Variants in XRCC6 observed in about 807,000 individuals in gnomAD.
XRCC6 encodes the protein DNA repair protein Ku70.
XRCC6 carries 5 observed loss-of-function variants against 65.7 expected under a neutral mutation model. The observed-to-expected ratio is 0.08, with a 90% CI of 0.04 to 0.16. XRCC6 has a LOEUF of 0.16. Ranked by LOEUF, XRCC6 falls within the 10% of genes least tolerant of loss-of-function variation. The probability of loss-of-function intolerance (pLI) is 1.00; values close to 1 mark genes in which losing one functional copy is unlikely to be tolerated. For missense variants in XRCC6, 447 were observed against 738.1 expected (o/e 0.61, Z 4.57); for synonymous variants, 270 against 270.6 (o/e 1.00, Z 0.02).
intron 2 of XRCC6, among the ~76,000 whole-genome samples, chr22:41,627,855 T>C (rs1014522513): frequency 6.6e-6 from 1 of 151,830 alleles, no homozygotes; most frequent in African/African-American, 2.4e-5. Flanking sequence ...GCCTGGGTGA[T>C]GGGAGTGTGA....
chr22:41,649,811 G>A (rs879644389), intron 7 of XRCC6, among the ~76,000 whole-genome samples: 13 of 150,618 alleles, frequency 8.6e-5, no homozygotes, highest in Admixed American at 7.3e-4. Flanking sequence ...AGCCGAGATC[G>A]CTGCCTGGGT....
chr22:41,640,017 C>A (rs2067858327), intron 6 of XRCC6, among the ~76,000 whole-genome samples: 1 of 151,840 alleles, frequency 6.6e-6, no homozygotes, highest in South Asian at 2.1e-4. Context: ...CTCATTGTTT[C>A]TTCCTAAAGA....
At chr22:41,621,762 C>A (rs941890968) in intron 1 of XRCC6, 1 of 498,470 alleles carries the variant, frequency 2.0e-6, no homozygotes, top group Non-Finnish European at 3.6e-6. Context: ...TTCCGCGGGC[C>A]GCCGCCGGCC....
At chr22:41,663,096 G>T (rs1166792456) in intron 12 of XRCC6, among the ~76,000 whole-genome samples, 1 of 152,126 alleles carries the variant, frequency 6.6e-6, no homozygotes. Flanking sequence ...TGATACAGAA[G>T]TTATATCCTT....
At chr22:41,631,910 G>T (rs1247781062) in intron 3 of XRCC6, among the ~76,000 whole-genome samples, 6 of 152,202 alleles carry the variant, frequency 3.9e-5, no homozygotes, top group Non-Finnish European at 7.3e-5. Flanking sequence ...CGGATCACTC[G>T]CGGTTAGGAG....
At chr22:41,651,414 G>A (rs1485699352) in intron 8 of XRCC6, among the ~76,000 whole-genome samples, 10 of 54,066 alleles carry the variant, frequency 1.8e-4, no homozygotes, top group African/African-American at 5.5e-4. Flanking sequence ...TTTTGGAGAT[G>A]GAGTTTTACT....
chr22:41,647,019 G>A lies in XRCC6; in HGVS notation c.897G>A (p.Lys299=), dbSNP rs769717507. 8 of 1,614,166 alleles carry A rather than the reference G, an allele frequency of 5.0e-6. No individual in the cohort carries two copies. The Admixed American group carries it at 1.3e-4, about 27-fold the overall frequency. Residue 299 remains lysine (K), a synonymous_variant, in exon 7 of 13, where the codon AAG becomes AAA. Transcript: ENST00000360079. ...AAACAAATGAACCAGTGAAAACCAA[G>A]ACCCGGACCTTTAATACAAGTACAG... ...YRETNEPVKT[K]TRTFNTSTGG...
At chr22:41,651,041 C>T in intron 8 of XRCC6, 150 bp downstream of exon 8, 2 of 1,106,640 alleles carry the variant, frequency 1.8e-6, no homozygotes, top group Non-Finnish European at 2.5e-6. Context: ...TGCAGTGGCT[C>T]ACACCTGTAA....
At chr22:41,635,607 C>T (rs1031124842) in intron 3 of XRCC6, among the ~76,000 whole-genome samples, 2 of 152,046 alleles carry the variant, frequency 1.3e-5, no homozygotes, top group African/African-American at 4.8e-5. Flanking sequence ...GTGGTGCAGT[C>T]TCTGCTCACT....
At position 41,650,898 on chromosome 22, in the gene XRCC6, A is replaced by G. The variant is rs2067987924; in HGVS notation, c.1129+7A>G. ...GAGGAGTCGCTGGTGATTGGTAAGT[A>G]GCGTGGACCATGGATGAGTGACTCT... is the stretch of plus-strand genomic sequence containing the variant. On this transcript the variant is annotated splice_region_variant and intron_variant, in intron 8 of 12. Transcript: ENST00000360079. 1 of 1,614,036 alleles carries G rather than the reference A, an allele frequency of 6.2e-7. No homozygotes were observed. The highest frequency in any genetic ancestry group is 1.3e-5 in the African/African-American group (1 of 75,038).
chr22:41,653,398 C>A, intron 8 of XRCC6, 131 bp from the exon 9 acceptor site: 1 of 864,432 alleles, frequency 1.2e-6, no homozygotes, highest in South Asian at 2.2e-5. Context: ...AGCGAGACCC[C>A]GTCTCAAATA....
At chr22:41,632,972 C>T (rs537909506) in intron 3 of XRCC6, among the ~76,000 whole-genome samples, 12 of 149,580 alleles carry the variant, frequency 8.0e-5, no homozygotes, top group African/African-American at 3.0e-4. Context: ...ACTAAAAATA[C>T]AAAAATTAGC....
chr22:41,649,160 A>ATATATATATATGTATGTATGTATG (rs1376197191), intron 7 of XRCC6, among the ~76,000 whole-genome samples: 1 of 125,874 alleles, frequency 7.9e-6, no homozygotes, highest in African/African-American at 3.6e-5. Context: ...ATATATATAT[A>ATATATATATATGTATGTATGTATG]TATGTATGTA....
chr22:41,626,532 G>T (rs112022854), intron 2 of XRCC6, among the ~76,000 whole-genome samples: 328 of 152,104 alleles, frequency 2.2e-3, no homozygotes, highest in Non-Finnish European at 3.4e-3. Context: ...TCTGCTCCCT[G>T]CAACCTCTGC....
At chr22:41,643,947 T>C (rs1601543770) in intron 6 of XRCC6, among the ~76,000 whole-genome samples, 3 of 145,746 alleles carry the variant, frequency 2.1e-5, no homozygotes, top group East Asian at 4.0e-4. Context: ...ATTGCGCCAC[T>C]GCACTCCACC....
chr22:41,631,214 G>T (rs2067744134), intron 3 of XRCC6, among the ~76,000 whole-genome samples: 1 of 151,644 alleles, frequency 6.6e-6, no homozygotes. Context: ...AGTAGGGGCG[G>T]CTGGGCAGAG....
chr22:41,631,490 G>T (rs570434219), intron 3 of XRCC6, among the ~76,000 whole-genome samples: 14 of 150,788 alleles, frequency 9.3e-5, no homozygotes, highest in Admixed American at 5.9e-4. Context: ...CTCCCAGACG[G>T]GGTCACGGCT....
chr22:41,637,878 A>G, intron 6 of XRCC6, 87 bp downstream of exon 6: 1 of 1,406,246 alleles, frequency 7.1e-7, no homozygotes, highest in Non-Finnish European at 9.4e-7. Flanking sequence ...TAATCCCAAC[A>G]GTTTGGGAGG....
intron 3 of XRCC6, among the ~76,000 whole-genome samples, chr22:41,630,304 T>C (rs2067726273): frequency 6.6e-6 from 1 of 151,070 alleles, no homozygotes; most frequent in Admixed American, 6.6e-5. Context: ...TTTGAGATGG[T>C]GTCTCACTAT....
Sources: allele counts gnomAD v4.1 joint callset (sites outside exome capture counted in the v4.1 genomes callset), GRCh38; gene constraint gnomAD v4.1.1; transcripts MANE v1.5; gene names NCBI Gene and HGNC (gene_info 2026-07-23, HGNC 2026-07-21).